ROBO1: variants seen among roughly 807,000 people sequenced by gnomAD.
The protein encoded by ROBO1 is roundabout homolog 1.
In ROBO1, 149 loss-of-function variants were observed where a neutral mutation model predicts 195.9. The ratio of observed to expected loss-of-function variants is 0.76; its 90% CI spans 0.67 to 0.87. The LOEUF (loss-of-function observed/expected upper bound fraction) is 0.87, where lower values mean the gene tolerates loss of function less well. ROBO1 is among the 40% of genes least tolerant of loss of function. The pLI is 0.00. For synonymous variants in ROBO1, 816 were observed against 733.2 expected (o/e 1.11, Z -1.82); for missense variants, 1,933 against 2,068.3 (o/e 0.93, Z 1.27).
At chr3:79,522,628 G>A (rs1941256260) in intron 2 of ROBO1, among the ~76,000 whole-genome samples, 1 of 152,076 alleles carries the variant, frequency 6.6e-6, no homozygotes, top group African/African-American at 2.4e-5. Context: ...TAAATGGAAA[G>A]GGAACTTAAT....
At chr3:78,982,601 C>T (rs910748843) in intron 3 of ROBO1, among the ~76,000 whole-genome samples, 4 of 151,956 alleles carry the variant, frequency 2.6e-5, no homozygotes, top group Non-Finnish European at 5.9e-5. Flanking sequence ...AAAGTAAGCC[C>T]CATAGCTGCC....
intron 3 of ROBO1, among the ~76,000 whole-genome samples, chr3:78,946,892 A>G (rs571871231): frequency 6.6e-6 from 1 of 152,170 alleles, no homozygotes; most frequent in Non-Finnish European, 1.5e-5. Flanking sequence ...GATAAAACAG[A>G]CTTTAAACCA....
intron 2 of ROBO1, among the ~76,000 whole-genome samples, chr3:79,324,740 T>G (rs57012643): frequency 0.25 from 38,738 of 152,096 alleles, 5,525 homozygotes; most frequent in African/African-American, 0.39. Flanking sequence ...AGAATTATGT[T>G]CATGCAACAC....
intron 4 of ROBO1, among the ~76,000 whole-genome samples, chr3:78,780,632 T>C (rs920576749): frequency 6.6e-6 from 1 of 152,174 alleles, no homozygotes; most frequent in African/African-American, 2.4e-5. Flanking sequence ...TCACATCAGC[T>C]TTTACAAATC....
At chr3:78,645,604 T>C (rs1382205848) in intron 21 of ROBO1, among the ~76,000 whole-genome samples, 3 of 152,078 alleles carry the variant, frequency 2.0e-5, no homozygotes, top group Admixed American at 2.0e-4. Flanking sequence ...ACTTTAAAAA[T>C]CATAAATATG....
chr3:79,527,442 T>G (rs528832898), intron 2 of ROBO1, among the ~76,000 whole-genome samples: 1 of 152,278 alleles, frequency 6.6e-6, no homozygotes, highest in Non-Finnish European at 1.5e-5. Flanking sequence ...CCACCGAATC[T>G]AAAATAAAAG....
intron 2 of ROBO1, among the ~76,000 whole-genome samples, chr3:79,212,140 G>A (rs1016021952): frequency 6.6e-6 from 1 of 152,130 alleles, no homozygotes; most frequent in Non-Finnish European, 1.5e-5. Context: ...GCCCTGGGTG[G>A]GCCAGGTGTT....
At chr3:78,907,583 GT>G (rs1214679670) in intron 4 of ROBO1, among the ~76,000 whole-genome samples, 2 of 151,910 alleles carry the variant, frequency 1.3e-5, no homozygotes, top group Non-Finnish European at 2.9e-5. Context: ...GGTAGTCCTA[GT>G]TACATTTGAT....
rs74535133 is a variant in ROBO1 at position 78,709,372 on chromosome 3, T to C, written c.1045+5025A>G. Among the ~76,000 whole-genome samples the C allele has an allele frequency of 1.7e-3, 266 of 152,300 alleles. 4 individuals carry two copies. The highest frequency in any genetic ancestry group is 5.9e-3 in the African/African-American group (244 of 41,570). On this transcript the variant is annotated intron_variant, in intron 8 of 30. Transcript: ENST00000464233. ...TATTGGTATACCATGTATACCAATA[T>C]GCAAGTTAAAGGAATCAGGATATTC...
intron 1 of ROBO1, among the ~76,000 whole-genome samples, chr3:79,728,806 T>TA (rs1703031171): frequency 6.6e-6 from 1 of 152,154 alleles, no homozygotes; most frequent in South Asian, 2.1e-4. Flanking sequence ...TTAAGCCATT[T>TA]AATGAAAACC....
At chr3:79,578,147 A>G (rs778978995) in intron 2 of ROBO1, among the ~76,000 whole-genome samples, 2 of 152,102 alleles carry the variant, frequency 1.3e-5, no homozygotes, top group Non-Finnish European at 2.9e-5. Flanking sequence ...CACTGACAAC[A>G]CCAATTTCTC....
At chr3:79,443,291 A>G (rs2039121676) in intron 2 of ROBO1, among the ~76,000 whole-genome samples, 1 of 152,178 alleles carries the variant, frequency 6.6e-6, no homozygotes. Context: ...AGTTGTCATA[A>G]GAATTCACTC....
At chr3:78,653,850 G>A (rs75010422) in intron 18 of ROBO1, among the ~76,000 whole-genome samples, 2,770 of 152,244 alleles carry the variant, frequency 0.018, 78 homozygotes, top group African/African-American at 0.061. Context: ...GTGTTATGCT[G>A]TCTGCCAGGA....
chr3:79,086,813 A>C (rs980818214), intron 3 of ROBO1, among the ~76,000 whole-genome samples: 2 of 152,128 alleles, frequency 1.3e-5, no homozygotes, highest in African/African-American at 4.8e-5. Flanking sequence ...TTAAGGATGA[A>C]TTATTATGCA....
intron 2 of ROBO1, among the ~76,000 whole-genome samples, chr3:79,531,002 A>AT (rs1575977483): frequency 6.6e-6 from 1 of 151,702 alleles, no homozygotes; most frequent in East Asian, 1.9e-4. Flanking sequence ...TTGCCTGGAC[A>AT]TTTTTTCCAC....
chr3:78,667,058 A>G (rs1401414079), intron 14 of ROBO1, among the ~76,000 whole-genome samples: 1 of 152,172 alleles, frequency 6.6e-6, no homozygotes, highest in Non-Finnish European at 1.5e-5. Flanking sequence ...AAAGGTATCC[A>G]GATATCTCTC....
At chr3:79,376,851 A>G (rs2036403052) in intron 2 of ROBO1, among the ~76,000 whole-genome samples, 1 of 152,204 alleles carries the variant, frequency 6.6e-6, no homozygotes. Context: ...AGCATTTGAT[A>G]GGAAGGAATG....
At chr3:78,944,529 G>C (rs2040310069) in intron 3 of ROBO1, among the ~76,000 whole-genome samples, 1 of 152,198 alleles carries the variant, frequency 6.6e-6, no homozygotes, top group Non-Finnish European at 1.5e-5. Context: ...TAAATGTGGA[G>C]GGAGGAGCCA....
intron 4 of ROBO1, among the ~76,000 whole-genome samples, chr3:78,748,174 G>T (rs1032488623): frequency 1.4e-4 from 22 of 152,128 alleles, no homozygotes; most frequent in African/African-American, 5.3e-4. Flanking sequence ...GGCTGGGTGT[G>T]GTGGCTTACG....
Sources: gnomAD v4.1 joint callset for allele counts (sites outside exome capture counted in the v4.1 genomes callset) on GRCh38, gnomAD v4.1.1 for gene constraint, MANE v1.5 for transcripts, NCBI Gene and HGNC (gene_info 2026-07-23, HGNC 2026-07-21) for gene names.